CEP128: variants seen among roughly 807,000 people sequenced by gnomAD.
CEP128 encodes centrosomal protein 128.
Under a neutral mutation model 156.7 loss-of-function variants are expected in CEP128, and 132 were observed. The observed-to-expected ratio is 0.84, with a 90% CI of 0.73 to 0.97. The LOEUF is 0.97. CEP128 is among the 50% of genes least tolerant of loss of function. The pLI, the probability that CEP128 is intolerant of heterozygous loss-of-function variation, is 0.00. For synonymous variants in CEP128, 469 were observed against 448.9 expected (o/e 1.04, Z -0.57); for missense variants, 1,252 against 1,281.9 (o/e 0.98, Z 0.36).
Position 80,783,630 on chromosome 14 carries a change from T to C in CEP128, c.2211+1265A>G, listed in dbSNP as rs547024353. Among the ~76,000 whole-genome samples the C allele has an allele frequency of 3.0e-4, 45 of 152,322 alleles. 1 individual carries two copies. The highest frequency in any genetic ancestry group is 1.1e-3 in the African/African-American group (45 of 41,576). On this transcript the variant is annotated intron_variant, in intron 15 of 24. Coordinates refer to ENST00000555265, the MANE Select transcript of CEP128 (RefSeq NM_152446.5). ...ATCAGCTCTTCTCCATATCCCAAACTCTACTTTCTATATTCATCAACTCTA... is the reference window on the plus strand; with the variant it reads ...ATCAGCTCTTCTCCATATCCCAAACCCTACTTTCTATATTCATCAACTCTA...
At chr14:80,802,947 G>T (rs894474405) in intron 13 of CEP128, among the ~76,000 whole-genome samples, 2 of 152,162 alleles carry the variant, frequency 1.3e-5, no homozygotes, top group African/African-American at 4.8e-5. Flanking sequence ...ATCCAATGGA[G>T]CTGGCTTATC....
At chr14:80,754,558 G>A (rs1899551639) in intron 18 of CEP128, among the ~76,000 whole-genome samples, 1 of 150,648 alleles carries the variant, frequency 6.6e-6, no homozygotes, top group Non-Finnish European at 1.5e-5. Context: ...TGCCTCCTGG[G>A]TTCAAGCAAT....
At chr14:80,573,603 A>G (rs529410165) in intron 20 of CEP128, among the ~76,000 whole-genome samples, 1 of 152,322 alleles carries the variant, frequency 6.6e-6, no homozygotes, top group Admixed American at 6.5e-5. Flanking sequence ...CAGAGTGACA[A>G]GGTTTAATGA....
chr14:80,659,854 T>G (rs892081663), intron 19 of CEP128, among the ~76,000 whole-genome samples: 1 of 152,158 alleles, frequency 6.6e-6, no homozygotes, highest in Non-Finnish European at 1.5e-5. Flanking sequence ...CCACCCATAC[T>G]TACAATTTCT....
At chr14:80,790,178 T>A (rs2139831912) in intron 14 of CEP128, among the ~76,000 whole-genome samples, 1 of 151,778 alleles carries the variant, frequency 6.6e-6, no homozygotes, top group Non-Finnish European at 1.5e-5. Flanking sequence ...AAAAGCTCAA[T>A]ACATAAGCAA....
intron 13 of CEP128, among the ~76,000 whole-genome samples, chr14:80,813,437 G>A (rs979871122): frequency 3.3e-5 from 5 of 151,734 alleles, no homozygotes; most frequent in Non-Finnish European, 7.4e-5. Flanking sequence ...TTTCAATTAT[G>A]ATTCATGTTT....
chr14:80,556,074 C>T (rs1890423518), intron 21 of CEP128, among the ~76,000 whole-genome samples: 1 of 146,888 alleles, frequency 6.8e-6, no homozygotes, highest in Non-Finnish European at 1.5e-5. Context: ...TGAGTCCCAT[C>T]CTTGGCCCAT....
intron 19 of CEP128, among the ~76,000 whole-genome samples, chr14:80,695,604 C>G (rs1239703288): frequency 6.6e-6 from 1 of 151,596 alleles, no homozygotes; most frequent in Non-Finnish European, 1.5e-5. Flanking sequence ...GTAATCCCAG[C>G]TACTCGGGAG....
chr14:80,834,710 G>A (rs1885983285), intron 12 of CEP128, among the ~76,000 whole-genome samples: 2 of 152,148 alleles, frequency 1.3e-5, no homozygotes, highest in Admixed American at 1.3e-4. Flanking sequence ...TAAAAAATGT[G>A]TTGGTCTTTG....
At chr14:80,702,364 G>A (rs1401139548) in intron 19 of CEP128, among the ~76,000 whole-genome samples, 5 of 152,080 alleles carry the variant, frequency 3.3e-5, no homozygotes, top group Non-Finnish European at 2.9e-5. Context: ...ACATCCATTT[G>A]CCCTTGACAT....
At chr14:80,694,068 A>G (rs1462980774) in intron 19 of CEP128, among the ~76,000 whole-genome samples, 1 of 152,230 alleles carries the variant, frequency 6.6e-6, no homozygotes, top group Non-Finnish European at 1.5e-5. Context: ...TTTACAAGAA[A>G]AAAACAAACC....
chr14:80,487,146 A>T (rs1887184084), downstream of CEP128, among the ~76,000 whole-genome samples: 1 of 152,140 alleles, frequency 6.6e-6, no homozygotes, highest in Non-Finnish European at 1.5e-5. Context: ...ACGTGCAGAG[A>T]CACACATAGG....
chr14:80,507,064 G>A (rs1424058553), intron 23 of CEP128, among the ~76,000 whole-genome samples: 13 of 151,802 alleles, frequency 8.6e-5, no homozygotes, highest in Non-Finnish European at 1.2e-4. Flanking sequence ...CATGTGAAGT[G>A]CCTGTGCCTG....
chr14:80,764,174 A>G (rs985003618), intron 16 of CEP128, among the ~76,000 whole-genome samples: 2 of 152,132 alleles, frequency 1.3e-5, no homozygotes, highest in African/African-American at 2.4e-5. Context: ...AAAAATCTCT[A>G]TAAGTTCGGT....
Position 80,914,383 on chromosome 14 carries a change from A to G in CEP128, c.173T>C (p.Val58Ala). Reference protein sequence around the residue: ...LQDTSRNLRQVDQMLGRYREY... With the variant: ...LQDTSRNLRQADQMLGRYREY... ...TCGGTATCGTCCAAGCATCTGGTCC[A>G]CTTGTCGCAGGTTCCGACTGGTATC... The change falls in exon 4 of 25, where the codon GTG becomes GCG. Residue 58 changes from valine (V) to alanine (A), a missense_variant. By Grantham distance (64) the Val-to-Ala change is moderately conservative. Coordinates refer to ENST00000555265, the MANE Select transcript of CEP128 (RefSeq NM_152446.5). 1.2e-6 allele frequency: 2 copies of G among 1,613,848 alleles called. No individual in the cohort carries two copies. Among genetic ancestry groups the G allele is most frequent in the Non-Finnish European group, 1.7e-6 (2 of 1,179,824 alleles).
At chr14:80,803,334 T>C (rs954735405) in intron 13 of CEP128, among the ~76,000 whole-genome samples, 4 of 144,704 alleles carry the variant, frequency 2.8e-5, no homozygotes, top group African/African-American at 7.8e-5. Context: ...TGATACTTTC[T>C]TCAAAACAAC....
chr14:80,513,184 T>C (rs1888337125), intron 23 of CEP128, among the ~76,000 whole-genome samples: 1 of 152,084 alleles, frequency 6.6e-6, no homozygotes, highest in Non-Finnish European at 1.5e-5. Context: ...CCTCAGCTTT[T>C]GTTTGTCTGG....
chr14:80,883,720 A>C (rs1031649233), intron 8 of CEP128, among the ~76,000 whole-genome samples: 1 of 151,816 alleles, frequency 6.6e-6, no homozygotes, highest in Admixed American at 6.6e-5. Context: ...ACTGAAATAG[A>C]AAAAAAATCC....
intron 9 of CEP128, among the ~76,000 whole-genome samples, chr14:80,842,616 C>T (rs866563619): frequency 8.6e-5 from 13 of 151,826 alleles, no homozygotes; most frequent in African/African-American, 2.7e-4. Context: ...TAATAATAAA[C>T]GTGAACTAAT....
Sources: gnomAD v4.1 joint callset for allele counts (sites outside exome capture counted in the v4.1 genomes callset) on GRCh38, gnomAD v4.1.1 for gene constraint, MANE v1.5 for transcripts, NCBI Gene and HGNC (gene_info 2026-07-23, HGNC 2026-07-21) for gene names.